The following GLIS3 variants were observed in gnomAD, a reference collection of about 807,000 sequenced individuals.
GLIS3 encodes zinc finger protein GLIS3.
In GLIS3, 53 loss-of-function variants were observed where a neutral mutation model predicts 78.6. That is an observed-to-expected ratio of 0.67 (90% CI 0.54 to 0.85). GLIS3 has a LOEUF of 0.85. GLIS3 is among the 40% of genes least tolerant of loss of function. The probability of loss-of-function intolerance (pLI) is 0.00; values close to 1 mark genes in which losing one functional copy is unlikely to be tolerated. For missense variants in GLIS3, 1,703 were observed against 1,231.1 expected (o/e 1.38, Z -5.74); for synonymous variants, 684 against 509.9 (o/e 1.34, Z -4.60).
At chr9:4,328,453 G>A (rs1234005407) in intron 2 of GLIS3, among the ~76,000 whole-genome samples, 2 of 152,148 alleles carry the variant, frequency 1.3e-5, no homozygotes, top group Non-Finnish European at 2.9e-5. Context: ...ACCCCATTCT[G>A]CTCCCACCTT....
At chr9:4,236,518 T>C (rs982260144) in intron 2 of GLIS3, among the ~76,000 whole-genome samples, 1 of 152,188 alleles carries the variant, frequency 6.6e-6, no homozygotes, top group Non-Finnish European at 1.5e-5. Flanking sequence ...TATTTGCAAA[T>C]ATTGGCTGTA....
chr9:3,988,705 C>CA (rs1279931420), intron 4 of GLIS3, among the ~76,000 whole-genome samples: 21 of 146,948 alleles, frequency 1.4e-4, no homozygotes, highest in South Asian at 4.3e-4. Context: ...CACGCATAGA[C>CA]AAAAAAAAAG....
chr9:3,866,701 C>T (rs1428990376), intron 8 of GLIS3, among the ~76,000 whole-genome samples: 2 of 152,004 alleles, frequency 1.3e-5, no homozygotes, highest in African/African-American at 4.8e-5. Context: ...AGGGAATTGA[C>T]GATAGGTGAA....
chr9:4,368,977 A>G, the GLIS3 span, among the ~76,000 whole-genome samples: 1 of 152,154 alleles, frequency 6.6e-6, no homozygotes, highest in South Asian at 2.1e-4. Flanking sequence ...AGAACAAACA[A>G]TGGGAAAAAG....
chr9:4,383,016 A>C, the GLIS3 span, among the ~76,000 whole-genome samples: 1 of 152,152 alleles, frequency 6.6e-6, no homozygotes, highest in Non-Finnish European at 1.5e-5. Flanking sequence ...TCCTAAAAGG[A>C]AGTTGCAGAA....
At chr9:4,094,036 C>A (rs1280890320) in intron 4 of GLIS3, among the ~76,000 whole-genome samples, 2 of 152,114 alleles carry the variant, frequency 1.3e-5, no homozygotes, top group East Asian at 3.8e-4. Context: ...CTGCAAATAT[C>A]TGAACTCTGG....
intron 2 of GLIS3, among the ~76,000 whole-genome samples, chr9:4,127,859 C>G (rs896130965): frequency 1.3e-5 from 2 of 152,188 alleles, no homozygotes; most frequent in African/African-American, 4.8e-5. Flanking sequence ...GTATTAATAT[C>G]TATCTACCTC....
chr9:4,293,365 C>T (rs930374799), intron 1 of GLIS3, among the ~76,000 whole-genome samples: 18 of 152,186 alleles, frequency 1.2e-4, no homozygotes, highest in Admixed American at 9.2e-4. Context: ...TAAAAGTGAC[C>T]GATGTAACTA....
intron 2 of GLIS3, among the ~76,000 whole-genome samples, chr9:4,315,800 G>A (rs948101887): frequency 6.6e-6 from 1 of 152,024 alleles, no homozygotes; most frequent in African/African-American, 2.4e-5. Flanking sequence ...AGTAGGTGGC[G>A]CCCGTTCCCC....
rs576397733 is a variant in GLIS3, at chr9:4,100,250, G to A, written c.1710+17518C>T. On this transcript the variant is annotated intron_variant, in intron 4 of 10. Coordinates refer to ENST00000381971, the MANE Select transcript of GLIS3 (RefSeq NM_001042413.2). ...TTTCCCTTCCACCATAATTGGCCCC[G>A]CTCCCTGCCAGGGCTGAACTGTTAA... Among the ~76,000 whole-genome samples, 6 of 152,236 alleles carry A rather than the reference G, an allele frequency of 3.9e-5. No homozygotes were observed. The South Asian group carries it at 1.0e-3, about 26-fold the overall frequency.
the GLIS3 span, among the ~76,000 whole-genome samples, chr9:4,457,923 A>G: frequency 5.3e-5 from 8 of 152,100 alleles, no homozygotes; most frequent in African/African-American, 1.9e-4. Flanking sequence ...TTCTGACCTT[A>G]AGTATAGCTC....
chr9:3,982,264 C>T (rs1180621793), intron 4 of GLIS3, among the ~76,000 whole-genome samples: 2 of 151,664 alleles, frequency 1.3e-5, no homozygotes, highest in South Asian at 2.1e-4. Flanking sequence ...GATCATCTGA[C>T]TACACTGCCT....
At chr9:4,333,471 CAGA>C (rs755441629) in intron 2 of GLIS3, among the ~76,000 whole-genome samples, 2 of 152,176 alleles carry the variant, frequency 1.3e-5, no homozygotes, top group South Asian at 2.1e-4. Flanking sequence ...AATCTTAAAA[CAGA>C]AGGAGAGATT....
chr9:4,018,279 T>C (rs1426642924), intron 4 of GLIS3, among the ~76,000 whole-genome samples: 1 of 152,186 alleles, frequency 6.6e-6, no homozygotes, highest in Non-Finnish European at 1.5e-5. Context: ...AAATAACTTC[T>C]AGGCTCTGCT....
the GLIS3 span, among the ~76,000 whole-genome samples, chr9:4,468,940 A>AATG: frequency 2.0e-5 from 3 of 152,226 alleles, no homozygotes; most frequent in East Asian, 5.8e-4. Flanking sequence ...GGATGGAGGA[A>AATG]GATCTACCAA....
intron 2 of GLIS3, among the ~76,000 whole-genome samples, chr9:4,262,778 C>A (rs909512951): frequency 3.3e-5 from 5 of 152,074 alleles, no homozygotes; most frequent in African/African-American, 1.2e-4. Context: ...TTATACCACA[C>A]TGGCTATTTA....
chr9:4,250,178 A>G (rs1255413909), intron 2 of GLIS3, among the ~76,000 whole-genome samples: 1 of 152,194 alleles, frequency 6.6e-6, no homozygotes, highest in African/African-American at 2.4e-5. Context: ...TGTTTGGAAT[A>G]GTTTCAGAAG....
intron 2 of GLIS3, among the ~76,000 whole-genome samples, chr9:4,255,095 T>A (rs1050467995): frequency 6.6e-6 from 1 of 152,184 alleles, no homozygotes; most frequent in East Asian, 1.9e-4. Flanking sequence ...AGATGTCACA[T>A]AAGCATATGA....
chr9:4,334,927 GAA>G (rs1817737296), intron 2 of GLIS3, among the ~76,000 whole-genome samples: 1 of 103,502 alleles, frequency 9.7e-6, no homozygotes. Context: ...TTTTTTTTTT[GAA>G]ACGGAGTCTT....
Sources: allele counts gnomAD v4.1 joint callset (sites outside exome capture counted in the v4.1 genomes callset), GRCh38; gene constraint gnomAD v4.1.1; transcripts MANE v1.5; gene names NCBI Gene and HGNC (gene_info 2026-07-23, HGNC 2026-07-21).